DPF3: variants seen among roughly 807,000 people sequenced by gnomAD.
The protein encoded by DPF3 is zinc finger protein DPF3.
A neutral mutation model predicts 56.8 loss-of-function variants in DPF3; 18 were observed. That is an observed-to-expected ratio of 0.32 (90% CI 0.22 to 0.47). The LOEUF (loss-of-function observed/expected upper bound fraction) is 0.47. DPF3 is among the 20% of genes least tolerant of loss of function. The probability of loss-of-function intolerance (pLI) is 1.00; values close to 1 mark genes in which losing one functional copy is unlikely to be tolerated. For missense variants in DPF3, 403 were observed against 488.8 expected (o/e 0.82, Z 1.65); for synonymous variants, 188 against 180.2 (o/e 1.04, Z -0.35).
intron 2 of DPF3, among the ~76,000 whole-genome samples, chr14:72,755,632 T>A (rs921393193): frequency 2.0e-5 from 3 of 152,208 alleles, no homozygotes; most frequent in African/African-American, 7.2e-5. Flanking sequence ...ATGTCAGTTG[T>A]TAATTGTCAT....
chr14:72,682,354 G>A (rs1238091932), intron 7 of DPF3, among the ~76,000 whole-genome samples: 2 of 152,076 alleles, frequency 1.3e-5, no homozygotes, highest in African/African-American at 4.8e-5. Flanking sequence ...GCCCTGGTGT[G>A]GCAACTTGTG....
At chr14:72,756,869 A>AAAGAAAGAAAGAAAGAAAGGAAGG (rs1555503988) in intron 2 of DPF3, among the ~76,000 whole-genome samples, 1 of 95,598 alleles carries the variant, frequency 1.0e-5, no homozygotes, top group East Asian at 3.0e-4. Context: ...AGAAAGAAAG[A>AAAGAAAGAAAGAAAGAAAGGAAGG]AAGGAAGGAA....
chr14:72,703,166 C>T (rs888572739), intron 6 of DPF3, among the ~76,000 whole-genome samples: 1 of 152,158 alleles, frequency 6.6e-6, no homozygotes, highest in East Asian at 1.9e-4. Flanking sequence ...CCACCTCCCC[C>T]CACCCCACCC....
chr14:72,857,899 G>A (rs1361222471), intron 1 of DPF3, among the ~76,000 whole-genome samples: 3 of 152,088 alleles, frequency 2.0e-5, no homozygotes, highest in African/African-American at 4.8e-5. Context: ...CAAGGAGTTC[G>A]TTATGCATGA....
Position 72,693,111 on chromosome 14 carries a change from C to G in DPF3, c.707G>C (p.Arg236Pro). 1 of 1,613,942 alleles carries G rather than the reference C, an allele frequency of 6.2e-7. No homozygotes were observed. Among genetic ancestry groups the G allele is most frequent in the Non-Finnish European group, 8.5e-7 (1 of 1,179,886 alleles). ...EGDEAQDQET[R>P]SPPNHRNENH... The stretch of plus-strand genomic sequence containing the variant: ...CTCATTTCTGTGGTTGGGTGGGGAC[C>G]GAGTCTCCTGGTCTTGAGCTTCATC... Residue 236 changes from arginine (R) to proline (P), a missense_variant, in exon 7 of 11, where the codon CGG (arginine) becomes CCG (proline). By Grantham distance (103) the Arg-to-Pro change is moderately radical (BLOSUM62 -2). Transcript: ENST00000556509.
intron 7 of DPF3, among the ~76,000 whole-genome samples, chr14:72,692,569 C>T (rs879577801): frequency 3.3e-5 from 5 of 152,200 alleles, no homozygotes; most frequent in Non-Finnish European, 5.9e-5. Flanking sequence ...ATGGGGTCTC[C>T]AGGCAGCATT....
chr14:72,866,098 A>T (rs1885650495), intron 1 of DPF3, among the ~76,000 whole-genome samples: 1 of 152,176 alleles, frequency 6.6e-6, no homozygotes, highest in Admixed American at 6.5e-5. Context: ...GCAATGTGGA[A>T]GCTCTGTCTC....
At chr14:72,661,697 G>T in intron 8 of DPF3, 3 of 985,400 alleles carry the variant, frequency 3.0e-6, no homozygotes, top group Non-Finnish European at 3.6e-6. Context: ...TGAATTTGAG[G>T]TTCTCATCCT....
intron 4 of DPF3, among the ~76,000 whole-genome samples, chr14:72,730,048 A>G (rs1889576061): frequency 6.6e-6 from 1 of 151,998 alleles, no homozygotes; most frequent in Non-Finnish European, 1.5e-5. Context: ...CATCCTCTTC[A>G]TTTTGCTGTG....
chr14:72,743,026 G>A (rs2139880020), intron 3 of DPF3, among the ~76,000 whole-genome samples: 1 of 152,296 alleles, frequency 6.6e-6, no homozygotes, highest in Middle Eastern at 3.4e-3. Flanking sequence ...TCTTCGGGGT[G>A]CATGCCCTCT....
chr14:72,734,138 G>A (rs536633647), intron 3 of DPF3, among the ~76,000 whole-genome samples: 43 of 152,146 alleles, frequency 2.8e-4, no homozygotes, highest in Non-Finnish European at 5.6e-4. Flanking sequence ...ATAAAGACAG[G>A]CCCTGCCTTT....
intron 1 of DPF3, among the ~76,000 whole-genome samples, chr14:72,861,689 A>G (rs1332753816): frequency 6.7e-6 from 1 of 148,250 alleles, no homozygotes; most frequent in Admixed American, 6.9e-5. Context: ...GAGAGAAAGA[A>G]AAGAAAGAAA....
intron 7 of DPF3, among the ~76,000 whole-genome samples, chr14:72,683,713 C>T (rs917052091): frequency 6.6e-6 from 1 of 152,182 alleles, no homozygotes; most frequent in East Asian, 1.9e-4. Flanking sequence ...TAGGGCTTCC[C>T]AGATTTTGCT....
At chr14:72,805,672 C>T (rs1175010778) in intron 1 of DPF3, among the ~76,000 whole-genome samples, 1 of 152,126 alleles carries the variant, frequency 6.6e-6, no homozygotes, top group Non-Finnish European at 1.5e-5. Context: ...AAGGTGAAAT[C>T]CCGTCTCTAC....
chr14:72,879,508 G>T (rs1053274892), intron 1 of DPF3, among the ~76,000 whole-genome samples: 2 of 152,152 alleles, frequency 1.3e-5, no homozygotes, highest in African/African-American at 2.4e-5. Context: ...GCTCTGCATG[G>T]CCCAGGGCAG....
chr14:72,782,615 A>G (rs1892025501), intron 1 of DPF3, among the ~76,000 whole-genome samples: 1 of 152,206 alleles, frequency 6.6e-6, no homozygotes, highest in Non-Finnish European at 1.5e-5. Context: ...TGGGTGGGTC[A>G]CGAGGTCAGG....
chr14:72,782,254 T>G (rs1892008630), intron 1 of DPF3, among the ~76,000 whole-genome samples: 2 of 151,284 alleles, frequency 1.3e-5, no homozygotes, highest in Admixed American at 6.6e-5. Flanking sequence ...TGAAACAAGG[T>G]TTTGCTCTGT....
In DPF3 at chr14:72,861,767, GAAAGA is replaced by G. The variant is rs1339321214; in HGVS notation, c.32+32285_32+32289del. On this transcript the variant is annotated intron_variant, in intron 1 of 10. Coordinates refer to ENST00000556509, the MANE Select transcript of DPF3 (RefSeq NM_001280542.3). ...AGAAAGAAAGAAAGAAAGAAAGAAA[GAAAGA>G]AAGAAAGAAAGAAAGAAAGAAAGAA... Among the ~76,000 whole-genome samples, 4 of 146,362 alleles carry G rather than the reference GAAAGA, an allele frequency of 2.7e-5. No individual in the cohort carries two copies. In the East Asian group the frequency reaches 8.0e-4, roughly 29 times the overall value.
intron 1 of DPF3, among the ~76,000 whole-genome samples, chr14:72,796,857 C>T (rs1045837462): frequency 1.8e-4 from 27 of 151,930 alleles, no homozygotes; most frequent in African/African-American, 6.5e-4. Context: ...AAAGATGGAC[C>T]CCAAGAGGTA....
Sources: allele counts gnomAD v4.1 joint callset (sites outside exome capture counted in the v4.1 genomes callset), GRCh38; gene constraint gnomAD v4.1.1; transcripts MANE v1.5; gene names NCBI Gene and HGNC (gene_info 2026-07-23, HGNC 2026-07-21).